Variants in FLNC observed in about 807,000 individuals in gnomAD.
FLNC encodes the protein filamin-C.
Under a neutral mutation model 254.3 loss-of-function variants are expected in FLNC, and 91 were observed. The observed-to-expected ratio is 0.36, with a 90% CI of 0.30 to 0.43. FLNC has a LOEUF of 0.43. Among genes scored for constraint, FLNC ranks in the 20% least tolerant of loss-of-function variants. The probability of loss-of-function intolerance (pLI) is 1.00; values close to 1 mark genes in which losing one functional copy is unlikely to be tolerated. For missense variants in FLNC, 2,853 were observed against 3,802.6 expected (o/e 0.75, Z 6.57); for synonymous variants, 1,430 against 1,577.2 (o/e 0.91, Z 2.21).
Position 128,854,671 on chromosome 7 carries a change from C to T in FLNC, c.6986C>T (p.Ala2329Val). 1 of 1,612,314 alleles carries T rather than the reference C, an allele frequency of 6.2e-7. No homozygotes were observed. Among genetic ancestry groups the T allele is most frequent in the East Asian group, 2.2e-5 (1 of 44,836 alleles). The change falls in exon 41 of 48, where the codon GCC becomes GTC. Residue 2329 changes from alanine (A) to valine (V), a missense_variant. Transcript: ENST00000325888. ...GGCACAGGGCTGGAGCGAGGTGTGG[C>T]CGGCGTGCCAGGTAAGGGGCAGGTG... ...AGGTGLERGV[A>V]GVPAEFSIWT...
chr7:128,848,076 C>A lies in FLNC; in HGVS notation c.4580+8C>A. ...CCAGGAGGTGCCACGCAGGTGAGGA[C>A]CAGCCCTGGGCTCCTGTGCTGCGGC... is the stretch of plus-strand genomic sequence containing the variant. On this transcript the variant is annotated splice_region_variant and intron_variant, in intron 26 of 47. Transcript: ENST00000325888. 6.3e-7 allele frequency: 1 copy of A among 1,599,808 alleles called. No homozygotes were observed. The highest frequency in any genetic ancestry group is 8.5e-7 in the Non-Finnish European group (1 of 1,172,938).
Position 128,852,714 on chromosome 7 carries a change from A to T in FLNC, c.5966A>T (p.Glu1989Val), listed in dbSNP as rs771433701. The T allele has an allele frequency of 1.2e-6, 2 of 1,613,068 alleles. No individual in the cohort carries two copies. Among genetic ancestry groups the T allele is most frequent in the South Asian group, 2.2e-5 (2 of 91,076 alleles). Residue 1989 changes from glutamate to valine, a missense_variant, in exon 36 of 48, where the codon GAG becomes GTG. Physicochemically the swap from Glu to Val is moderately radical, Grantham distance 121 (BLOSUM62 -2). Coordinates refer to ENST00000325888, the MANE Select transcript of FLNC (RefSeq NM_001458.5). ...ATCCGTGCCCCCTCGGGCAACGAGGAGCCCTGCCTGCTGAAGCGCCTGCCC... is the reference window on the plus strand; with the variant it reads ...ATCCGTGCCCCCTCGGGCAACGAGGTGCCCTGCCTGCTGAAGCGCCTGCCC... ...ASIRAPSGNEEPCLLKRLPNR... is the reference protein window; with the variant it reads ...ASIRAPSGNEVPCLLKRLPNR...
intron 1 of FLNC, among the ~76,000 whole-genome samples, chr7:128,832,226 A>C (rs893358467): frequency 4.8e-5 from 7 of 145,918 alleles, no homozygotes; most frequent in Non-Finnish European, 7.6e-5. Flanking sequence ...CTGCCCCCCC[A>C]CCCCACCCGC....
chr7:128,843,762 A>G, intron 18 of FLNC, 34 bp from the exon 19 acceptor site: 4 of 1,590,982 alleles, frequency 2.5e-6, no homozygotes, highest in Middle Eastern at 1.7e-4. Flanking sequence ...ACCTTGCCTT[A>G]TATCCAGTTC....
chr7:128,853,488 G>A lies in FLNC; in HGVS notation c.6228G>A (p.Leu2076=), dbSNP rs1808912069. The change falls in exon 38 of 48, where the codon CTG becomes CTA. Residue 2076 remains leucine (L), a synonymous_variant. Transcript: ENST00000325888. ...CCCCAGGTTATGGGGGCTTGGGGCT[G>A]AGTATTGAAGGCCCAAGCAAGGTGG... The part of the protein sequence containing the change: ...TRNAGYGGLG[L]SIEGPSKVDI... 1 of 1,613,910 alleles carries A rather than the reference G, an allele frequency of 6.2e-7. No individual in the cohort carries two copies. The highest frequency in any genetic ancestry group is 8.5e-7 in the Non-Finnish European group (1 of 1,180,014).
At chr7:128,851,897 GCT>G (rs1459488245) in intron 35 of FLNC, among the ~76,000 whole-genome samples, 9 of 152,194 alleles carry the variant, frequency 5.9e-5, no homozygotes, top group Non-Finnish European at 1.2e-4. Context: ...AGGGAGTCTT[GCT>G]CTGTCACCCA....
In FLNC at chr7:128,853,908, C is replaced by T. The variant is rs979080123; in HGVS notation, c.6485-66C>T. On this transcript the variant is annotated intron_variant, in intron 39 of 47. Coordinates refer to ENST00000325888, the MANE Select transcript of FLNC (RefSeq NM_001458.5). ...CTGGCCCGGGCCAGAGCCCACCTGT[C>T]GGGCCTCCACCCTGCTTCCTCACCC... 8.7e-5 allele frequency: 141 copies of T among 1,612,828 alleles called. 1 individual carries two copies. Among genetic ancestry groups the T allele is most frequent in the Admixed American group, 5.0e-4 (30 of 60,002 alleles).
At chr7:128,845,276 A>C (rs1160359425) in intron 21 of FLNC, 21 bp downstream of exon 21, 1 of 1,593,160 alleles carries the variant, frequency 6.3e-7, no homozygotes, top group East Asian at 2.2e-5. Context: ...AGGAGGAGCC[A>C]AGAAAGGTCA....
intron 39 of FLNC, 45 bp from the exon 40 acceptor site, chr7:128,853,929 C>T (rs748676850): frequency 6.2e-7 from 1 of 1,613,222 alleles, no homozygotes; most frequent in South Asian, 1.1e-5. Flanking sequence ...CCTGCTTCCT[C>T]ACCCCTCGCT....
At chr7:128,838,565 G>A in intron 7 of FLNC, 38 bp from the exon 8 acceptor site, 1 of 1,611,504 alleles carries the variant, frequency 6.2e-7, no homozygotes, top group Non-Finnish European at 8.5e-7. Context: ...GCAGCTGTGT[G>A]TGTCCAGAGT....
rs777706683 is a variant in FLNC, at chr7:128,830,762, T to C, written c.125T>C (p.Phe42Ser). 1 of 1,613,064 alleles carries C rather than the reference T, an allele frequency of 6.2e-7. No individual in the cohort carries two copies. The highest frequency in any genetic ancestry group is 8.5e-7 in the Non-Finnish European group (1 of 1,179,958). ...TGGAAGAAGATCCAGCAGAACACATTCACGCGCTGGTGCAATGAGCACCTC... is the reference window on the plus strand; with the variant it reads ...TGGAAGAAGATCCAGCAGAACACATCCACGCGCTGGTGCAATGAGCACCTC... ...APWKKIQQNT[F>S]TRWCNEHLKC... The change falls in exon 1 of 48, where the codon TTC (phenylalanine) becomes TCC (serine). Residue 42 changes from phenylalanine (F) to serine (S), a missense_variant. Coordinates refer to ENST00000325888, the MANE Select transcript of FLNC (RefSeq NM_001458.5).
Position 128,838,724 on chromosome 7 carries a change from G to A in FLNC, c.1332G>A (p.Met444Ile), listed in dbSNP as rs1343786191. 4.3e-6 allele frequency: 7 copies of A among 1,613,108 alleles called. No individual in the cohort carries two copies. The highest frequency in any genetic ancestry group is 5.9e-6 in the Non-Finnish European group (7 of 1,180,010). ...STFRCTYRPA[M>I]EGPHTVHVAF... ...TCCGCTGCACATACAGACCTGCCAT[G>A]GAGGGGCCACATACCGTGCATGTGG... is the stretch of plus-strand genomic sequence containing the variant. The change falls in exon 8 of 48, where the codon ATG becomes ATA. Residue 444 changes from methionine to isoleucine, a missense_variant. Met to Ile is a conservative substitution (Grantham distance 10). Around this residue, in one of 10 missense-constraint regions of FLNC, gnomAD observed 1,573 missense variants for 1,883.5 expected, o/e 0.84. Coordinates refer to ENST00000325888, the MANE Select transcript of FLNC (RefSeq NM_001458.5).
chr7:128,853,320 C>T (rs1480119309), intron 37 of FLNC, 149 bp from the exon 38 acceptor site: 8 of 967,338 alleles, frequency 8.3e-6, no homozygotes, highest in Non-Finnish European at 1.1e-5. Flanking sequence ...TCCCGTGGTG[C>T]CCCCGCTCCT....
Position 128,844,100 on chromosome 7 carries a change from G to T in FLNC, c.3026G>T (p.Arg1009Leu). The T allele has an allele frequency of 6.2e-7, 1 of 1,613,938 alleles. No individual in the cohort carries two copies. The highest frequency in any genetic ancestry group is 8.5e-7 in the Non-Finnish European group (1 of 1,180,038). ...LDVRMTSPSRRPIPCKLEPGG... is the reference protein window; with the variant it reads ...LDVRMTSPSRLPIPCKLEPGG... ...GTGCGGATGACTTCGCCCTCTCGCCGGCCCATCCCCTGCAAGCTGGAGCCA... is the reference window on the plus strand; with the variant it reads ...GTGCGGATGACTTCGCCCTCTCGCCTGCCCATCCCCTGCAAGCTGGAGCCA... Residue 1009 changes from arginine to leucine, a missense_variant, in exon 20 of 48, where the codon CGG becomes CTG. Transcript: ENST00000325888.
At chr7:128,834,632 C>T (rs1808026265) in intron 1 of FLNC, among the ~76,000 whole-genome samples, 1 of 151,934 alleles carries the variant, frequency 6.6e-6, no homozygotes, top group Non-Finnish European at 1.5e-5. Context: ...TGTTTAAGAC[C>T]TTCATTGTAG....
Position 128,843,559 on chromosome 7 carries a change from G to A in FLNC, c.2793G>A (p.Lys931=). 1.2e-6 allele frequency: 2 copies of A among 1,613,792 alleles called. No homozygotes were observed. Among genetic ancestry groups the A allele is most frequent in the Non-Finnish European group, 1.7e-6 (2 of 1,180,008 alleles). ...IDNHDYSYTV[K]YTAVQQGNMA... ...ACCATGACTACTCCTACACTGTCAA[G>A]TACACCGCTGTCCAGCAGGTGCGCT... Residue 931 remains lysine (K), a synonymous_variant, in exon 18 of 48, where the codon AAG becomes AAA. Transcript: ENST00000325888.
chr7:128,858,754 G>C lies in FLNC; in HGVS notation c.*231G>C. On this transcript the variant is annotated 3_prime_UTR_variant, in exon 48 of 48. Transcript: ENST00000325888. The surrounding 1 kb of genome is among the most constrained non-coding windows in gnomAD (Gnocchi z 6.7). Reference sequence around the variant, plus strand: ...GTCCCTCCCTGGGAATGTGACATGAGGGCCGACTGGGGCCAGGCTCAGGGG... The same window carrying C: ...GTCCCTCCCTGGGAATGTGACATGACGGCCGACTGGGGCCAGGCTCAGGGG... 1.8e-6 allele frequency: 1 copy of C among 570,100 alleles called. No individual in the cohort carries two copies. Among genetic ancestry groups the C allele is most frequent in the Non-Finnish European group, 3.2e-6 (1 of 316,682 alleles). The allele number at this position is 570,100 out of a possible 1,614,324, so 35.3% of individuals were successfully genotyped here.
Position 128,838,391 on chromosome 7 carries a change from T to G in FLNC, c.1172T>G (p.Val391Gly). The G allele has an allele frequency of 6.2e-7, 1 of 1,613,844 alleles. No homozygotes were observed. Among genetic ancestry groups the G allele is most frequent in the East Asian group, 2.2e-5 (1 of 44,850 alleles). ...CCTGGCCTGGAACCTGTGGGCAATG[T>G]GGCCAACAAACCCACCTACTTTGAC... is the stretch of plus-strand genomic sequence containing the variant. ...RGPGLEPVGN[V>G]ANKPTYFDIY... Residue 391 changes from valine to glycine, a missense_variant, in exon 7 of 48, where the codon GTG (valine) becomes GGG (glycine). By Grantham distance (109) the Val-to-Gly change is moderately radical. Coordinates refer to ENST00000325888, the MANE Select transcript of FLNC (RefSeq NM_001458.5).
Position 128,854,808 on chromosome 7 carries a change from C to A in FLNC, c.7031C>A (p.Ala2344Asp), listed in dbSNP as rs1344127775. Residue 2344 changes from alanine (A) to aspartate (D), a missense_variant, in exon 42 of 48, where the codon GCT becomes GAT. By Grantham distance (126) the Ala-to-Asp change is moderately radical. Transcript: ENST00000325888. ...AGCATCTGGACCCGGGAGGCTGGCGCTGGGGGCCTGTCCATTGCTGTGGAG... is the reference window on the plus strand; with the variant it reads ...AGCATCTGGACCCGGGAGGCTGGCGATGGGGGCCTGTCCATTGCTGTGGAG... The part of the protein sequence containing the change: ...EFSIWTREAG[A>D]GGLSIAVEGP... 1 of 1,614,036 alleles carries A rather than the reference C, an allele frequency of 6.2e-7. No homozygotes were observed. Among genetic ancestry groups the A allele is most frequent in the Non-Finnish European group, 8.5e-7 (1 of 1,180,042 alleles).
Sources: gnomAD v4.1 joint callset for allele counts (sites outside exome capture counted in the v4.1 genomes callset) on GRCh38, gnomAD v4.1.1 for gene constraint, gnomAD v4.1.1 regional missense constraint, Gnocchi (gnomAD v3.1) non-coding constraint, MANE v1.5 for transcripts, NCBI Gene and HGNC (gene_info 2026-07-23, HGNC 2026-07-21) for gene names.